The following SAMMSON variants were observed in gnomAD, a reference collection of about 807,000 sequenced individuals.
The protein encoded by SAMMSON is survival associated mitochondrial melanoma specific oncogenic non-coding RNA.
intron 2 of SAMMSON, among the ~76,000 whole-genome samples, chr3:70,400,955 A>G (rs1227867749): frequency 2.6e-5 from 4 of 152,148 alleles, no homozygotes; most frequent in Non-Finnish European, 5.9e-5. Context: ...AAATAAAAGA[A>G]AGAAAGAATA....
At chr3:70,013,100 T>A (rs2066965233) in intron 2 of SAMMSON, among the ~76,000 whole-genome samples, 1 of 152,152 alleles carries the variant, frequency 6.6e-6, no homozygotes, top group Non-Finnish European at 1.5e-5. Flanking sequence ...TAACTACCTG[T>A]TCCTTTATTT....
chr3:70,356,141 A>T (rs2106737377), intron 8 of SAMMSON, among the ~76,000 whole-genome samples: 1 of 152,248 alleles, frequency 6.6e-6, no homozygotes, highest in East Asian at 1.9e-4. Flanking sequence ...GCAGGTATTA[A>T]TTTTTATTCA....
At chr3:70,344,736 C>A (rs138902019) in intron 7 of SAMMSON, among the ~76,000 whole-genome samples, 269 of 152,292 alleles carry the variant, frequency 1.8e-3, no homozygotes, top group African/African-American at 6.2e-3. Context: ...GCTCCCCCTC[C>A]TGTAATGGGT....
intron 4 of SAMMSON, chr3:70,075,359 A>C (rs1198477178): frequency 2.0e-5 from 3 of 152,130 alleles, no homozygotes; most frequent in African/African-American, 7.2e-5. Flanking sequence ...TGTTAAAACA[A>C]AACAAAATAA....
chr3:70,345,086 T>C (rs1360105361), intron 7 of SAMMSON, among the ~76,000 whole-genome samples: 2 of 152,224 alleles, frequency 1.3e-5, no homozygotes, highest in Non-Finnish European at 2.9e-5. Context: ...TCTATATCTA[T>C]ATGAAATTAA....
At chr3:70,291,024 T>C (rs1231543673) in intron 6 of SAMMSON, among the ~76,000 whole-genome samples, 1 of 152,226 alleles carries the variant, frequency 6.6e-6, no homozygotes, top group Non-Finnish European at 1.5e-5. Flanking sequence ...GGTCTTCTGC[T>C]TCGCTCACGC....
At chr3:70,284,469 C>T (rs1174917563) in intron 6 of SAMMSON, among the ~76,000 whole-genome samples, 3 of 152,046 alleles carry the variant, frequency 2.0e-5, no homozygotes, top group African/African-American at 7.2e-5. Flanking sequence ...AACCCATTTA[C>T]TCACACAGCA....
chr3:70,328,803 A>C (rs1350804781), intron 7 of SAMMSON, among the ~76,000 whole-genome samples: 1 of 152,156 alleles, frequency 6.6e-6, no homozygotes. Context: ...TGAAAATTAG[A>C]AACCCACAAA....
At chr3:70,118,726 G>A (rs2067421499) in intron 4 of SAMMSON, among the ~76,000 whole-genome samples, 1 of 152,128 alleles carries the variant, frequency 6.6e-6, no homozygotes. Flanking sequence ...TGGGGACCCT[G>A]CTGTGGTAAA....
At chr3:70,346,174 T>C (rs1702749005) in intron 7 of SAMMSON, among the ~76,000 whole-genome samples, 1 of 152,152 alleles carries the variant, frequency 6.6e-6, no homozygotes, top group Admixed American at 6.5e-5. Flanking sequence ...TTTTAGCCAT[T>C]ATGATAGGTA....
At chr3:70,322,629 G>T (rs1702546008) in intron 7 of SAMMSON, among the ~76,000 whole-genome samples, 1 of 152,128 alleles carries the variant, frequency 6.6e-6, no homozygotes, top group African/African-American at 2.4e-5. Flanking sequence ...TAAATAGATT[G>T]AACTTCAAAT....
chr3:70,084,409 G>C (rs2067278347), intron 4 of SAMMSON, among the ~76,000 whole-genome samples: 1 of 152,196 alleles, frequency 6.6e-6, no homozygotes, highest in Admixed American at 6.5e-5. Context: ...CATGCAGCCT[G>C]CTTCTACTTA....
chr3:70,178,526 T>A (rs2106703935), intron 4 of SAMMSON, among the ~76,000 whole-genome samples: 1 of 152,196 alleles, frequency 6.6e-6, no homozygotes, highest in Non-Finnish European at 1.5e-5. Flanking sequence ...CCTAAGAAAA[T>A]GCGTTAAACT....
chr3:70,092,599 A>G (rs6762229), intron 4 of SAMMSON, among the ~76,000 whole-genome samples: 69,031 of 151,908 alleles, frequency 0.45, 16,945 homozygotes, highest in Non-Finnish European at 0.52. Flanking sequence ...CCACCCAAAG[A>G]AGAACCTTTC....
downstream of SAMMSON, among the ~76,000 whole-genome samples, chr3:70,391,883 C>T (rs561828440): frequency 2.6e-4 from 39 of 152,262 alleles, 1 homozygote; most frequent in South Asian, 6.2e-3. Flanking sequence ...AAGATGTCTT[C>T]TCACTTCTGA....
intron 4 of SAMMSON, among the ~76,000 whole-genome samples, chr3:70,121,265 TCCTAACAGG>T (rs1295452110): frequency 6.6e-6 from 1 of 152,136 alleles, no homozygotes; most frequent in Non-Finnish European, 1.5e-5. Flanking sequence ...GCAGCCCTGT[TCCTAACAGG>T]CCACAGATCA....
At chr3:70,195,466 A>T (rs2106715142) in intron 4 of SAMMSON, among the ~76,000 whole-genome samples, 1 of 152,320 alleles carries the variant, frequency 6.6e-6, no homozygotes, top group East Asian at 1.9e-4. Flanking sequence ...TAACAGATGA[A>T]TAGTTTTCAA....
intron 2 of SAMMSON, among the ~76,000 whole-genome samples, chr3:70,406,641 A>G (rs978600452): frequency 5.9e-5 from 9 of 152,210 alleles, no homozygotes; most frequent in African/African-American, 2.2e-4. Flanking sequence ...CAATATTTCA[A>G]TGTAGGCAAT....
chr3:70,410,528 G>A (rs1322891400), intron 2 of SAMMSON, among the ~76,000 whole-genome samples: 3 of 152,114 alleles, frequency 2.0e-5, no homozygotes, highest in African/African-American at 4.8e-5. Context: ...GGGAAAAAAG[G>A]GTTTCAGAAA....
Sources: gnomAD v4.1 joint callset for allele counts (sites outside exome capture counted in the v4.1 genomes callset) on GRCh38, gnomAD v4.1.1 for gene constraint, MANE v1.5 for transcripts, NCBI Gene and HGNC (gene_info 2026-07-23, HGNC 2026-07-21) for gene names.